PARD3: variants seen among roughly 807,000 people sequenced by gnomAD.
The protein encoded by PARD3 is par-3 family cell polarity regulator.
A neutral mutation model predicts 155.4 loss-of-function variants in PARD3; 75 were observed. The ratio of observed to expected loss-of-function variants is 0.48; its 90% CI spans 0.40 to 0.58. The LOEUF (loss-of-function observed/expected upper bound fraction) is 0.58. Ranked by LOEUF, PARD3 falls within the 20% of genes least tolerant of loss-of-function variation. The pLI, the probability that PARD3 is intolerant of heterozygous loss-of-function variation, is 0.00. For missense variants in PARD3, 1,642 were observed against 1,721.7 expected (o/e 0.95, Z 0.82); for synonymous variants, 576 against 610.5 (o/e 0.94, Z 0.83).
chr10:34,509,445 A>G (rs1042133446), intron 3 of PARD3, among the ~76,000 whole-genome samples: 5 of 152,180 alleles, frequency 3.3e-5, no homozygotes, highest in African/African-American at 4.8e-5. Flanking sequence ...CAGGGCCACA[A>G]TAAGTTTAGA....
chr10:34,595,981 T>TA lies in PARD3; in HGVS notation c.223-78823_223-78822insT, dbSNP rs1218845379. 1.2e-4 allele frequency among the ~76,000 whole-genome samples: 18 copies of TA among 152,242 alleles called. No individual in the cohort carries two copies. In the East Asian group the frequency reaches 2.7e-3, roughly 23 times the overall value. On this transcript the variant is annotated intron_variant, in intron 2 of 24. Coordinates refer to ENST00000374788, the MANE Select transcript of PARD3 (RefSeq NM_001184785.2). ...GTCTTTATAAAAATAAATAAATAAA[T>TA]GATGAAGATAAAAGCTTAATATTAC...
intron 2 of PARD3, among the ~76,000 whole-genome samples, chr10:34,638,107 T>C (rs751067359): frequency 2.0e-5 from 3 of 152,188 alleles, no homozygotes; most frequent in Non-Finnish European, 4.4e-5. Flanking sequence ...AATTTGGACA[T>C]TGTGGAGAGT....
intron 1 of PARD3, among the ~76,000 whole-genome samples, chr10:34,773,928 G>A (rs1156412029): frequency 6.6e-6 from 1 of 152,132 alleles, no homozygotes; most frequent in Admixed American, 6.6e-5. Flanking sequence ...TAAATGTTCA[G>A]AAGTAAACCA....
chr10:34,747,744 T>C (rs962072390), intron 1 of PARD3, among the ~76,000 whole-genome samples: 1 of 152,258 alleles, frequency 6.6e-6, no homozygotes, highest in Non-Finnish European at 1.5e-5. Flanking sequence ...AAAAGCCACT[T>C]GTGAAAGATG....
intron 5 of PARD3, among the ~76,000 whole-genome samples, chr10:34,416,866 A>C (rs1378895157): frequency 6.6e-6 from 1 of 152,232 alleles, no homozygotes; most frequent in African/African-American, 2.4e-5. Flanking sequence ...TAACAATAGG[A>C]ATCTGACATA....
intron 22 of PARD3, among the ~76,000 whole-genome samples, chr10:34,248,639 A>G (rs1954108684): frequency 6.6e-6 from 1 of 152,324 alleles, no homozygotes; most frequent in Admixed American, 6.5e-5. Context: ...CTCTGTCTAC[A>G]ATAGCACCTC....
intron 2 of PARD3, among the ~76,000 whole-genome samples, chr10:34,545,771 T>C (rs1233471914): frequency 6.6e-6 from 1 of 152,336 alleles, no homozygotes; most frequent in East Asian, 1.9e-4. Flanking sequence ...TTGGCCAGAC[T>C]GGTCTCGAAC....
chr10:34,494,095 C>T (rs1242232127), intron 3 of PARD3, among the ~76,000 whole-genome samples: 1 of 152,212 alleles, frequency 6.6e-6, no homozygotes, highest in African/African-American at 2.4e-5. Context: ...AGAGAACCCA[C>T]ACAAATTCCC....
chr10:34,607,942 G>A (rs1265861827), intron 2 of PARD3, among the ~76,000 whole-genome samples: 1 of 152,122 alleles, frequency 6.6e-6, no homozygotes, highest in Non-Finnish European at 1.5e-5. Context: ...TTGAAGCTCT[G>A]TTGTCAATGT....
intron 22 of PARD3, among the ~76,000 whole-genome samples, chr10:34,174,233 A>G (rs1426439797): frequency 6.6e-6 from 1 of 152,208 alleles, no homozygotes; most frequent in Non-Finnish European, 1.5e-5. Flanking sequence ...TACTACCATC[A>G]TAAATTCATC....
At chr10:34,598,655 T>G (rs112254460) in intron 2 of PARD3, among the ~76,000 whole-genome samples, 2 of 152,192 alleles carry the variant, frequency 1.3e-5, no homozygotes, top group Non-Finnish European at 2.9e-5. Flanking sequence ...CATTAGTAAA[T>G]GGGGTTGCAC....
At chr10:34,197,854 C>T (rs766716189) in intron 22 of PARD3, among the ~76,000 whole-genome samples, 7 of 152,166 alleles carry the variant, frequency 4.6e-5, no homozygotes, top group Non-Finnish European at 7.3e-5. Flanking sequence ...CCCAGCCTCC[C>T]GAGCAGCGGG....
intron 7 of PARD3, among the ~76,000 whole-genome samples, chr10:34,390,412 G>A (rs140863168): frequency 4.6e-5 from 7 of 152,252 alleles, no homozygotes; most frequent in African/African-American, 1.7e-4. Context: ...CATAACAAAA[G>A]ATAAATTGAG....
chr10:34,209,699 C>T (rs1951646962), intron 22 of PARD3, among the ~76,000 whole-genome samples: 1 of 152,110 alleles, frequency 6.6e-6, no homozygotes, highest in Non-Finnish European at 1.5e-5. Context: ...ATTCTGTGTA[C>T]TGTAATGTGG....
At chr10:34,742,664 C>T (rs1464257141) in intron 1 of PARD3, among the ~76,000 whole-genome samples, 1 of 152,226 alleles carries the variant, frequency 6.6e-6, no homozygotes, top group East Asian at 1.9e-4. Context: ...GATCTACCCA[C>T]ATCCTGTACT....
At chr10:34,415,835 T>C (rs1237549472) in intron 5 of PARD3, among the ~76,000 whole-genome samples, 2 of 152,204 alleles carry the variant, frequency 1.3e-5, no homozygotes, top group African/African-American at 2.4e-5. Context: ...ATTAAGTGCA[T>C]ACATACTGTC....
intron 2 of PARD3, among the ~76,000 whole-genome samples, chr10:34,533,019 C>G (rs2082964709): frequency 6.6e-6 from 1 of 152,118 alleles, no homozygotes; most frequent in South Asian, 2.1e-4. Flanking sequence ...TGTCACTGTA[C>G]TGAATGCCCT....
At chr10:34,251,315 C>T (rs553411479) in intron 22 of PARD3, among the ~76,000 whole-genome samples, 20 of 152,220 alleles carry the variant, frequency 1.3e-4, no homozygotes, top group Non-Finnish European at 2.2e-4. Context: ...CTTTGAAATG[C>T]CCTTAGAACT....
intron 22 of PARD3, among the ~76,000 whole-genome samples, chr10:34,203,847 C>T (rs17461532): frequency 0.027 from 4,185 of 152,248 alleles, 88 homozygotes; most frequent in Non-Finnish European, 0.041. Flanking sequence ...CAGCAGAAGA[C>T]ACACTCAAGT....
Sources: gnomAD v4.1 joint callset for allele counts (sites outside exome capture counted in the v4.1 genomes callset) on GRCh38, gnomAD v4.1.1 for gene constraint, MANE v1.5 for transcripts, NCBI Gene and HGNC (gene_info 2026-07-23, HGNC 2026-07-21) for gene names.